Variants in AK7 observed in about 807,000 individuals in gnomAD.
AK7 encodes adenylate kinase 7.
A neutral mutation model predicts 96.6 loss-of-function variants in AK7; 78 were observed. The ratio of observed to expected loss-of-function variants is 0.81; its 90% confidence interval spans 0.67 to 0.97. The LOEUF is 0.97. Among genes scored for constraint, AK7 ranks in the 50% least tolerant of loss-of-function variants. The probability of loss-of-function intolerance (pLI) is 0.00; values close to 1 mark genes in which losing one functional copy is unlikely to be tolerated. For missense variants in AK7, 855 were observed against 887.9 expected (o/e 0.96, Z 0.47); for synonymous variants, 302 against 317.2 (o/e 0.95, Z 0.51).
chr14:96,463,591 G>A (rs1209757056), intron 12 of AK7, among the ~76,000 whole-genome samples: 13 of 151,318 alleles, frequency 8.6e-5, no homozygotes, highest in African/African-American at 2.9e-4. Context: ...GTGGTGGCGG[G>A]CGCCTGTAGT....
At chr14:96,468,453 G>A (rs945288033) in intron 12 of AK7, among the ~76,000 whole-genome samples, 5 of 151,814 alleles carry the variant, frequency 3.3e-5, no homozygotes, top group Admixed American at 2.0e-4. Flanking sequence ...ATGCCACCAC[G>A]CCCGGCTAAT....
chr14:96,463,394 T>A (rs1003486036), intron 12 of AK7, among the ~76,000 whole-genome samples: 13 of 144,506 alleles, frequency 9.0e-5, no homozygotes, highest in African/African-American at 3.0e-4. Flanking sequence ...TCTCTGAACC[T>A]GTTTCATCCT....
intron 2 of AK7, chr14:96,398,515 A>G (rs1890220595): frequency 7.8e-6 from 4 of 512,740 alleles, no homozygotes; most frequent in African/African-American, 1.9e-5. Flanking sequence ...TCAGACTCAT[A>G]CAGTTCTCCT....
chr14:96,415,918 T>C (rs1019378733), intron 4 of AK7, among the ~76,000 whole-genome samples: 12 of 152,208 alleles, frequency 7.9e-5, no homozygotes, highest in African/African-American at 2.6e-4. Flanking sequence ...AGTCTAGCTA[T>C]GTACTTGTTT....
intron 5 of AK7, among the ~76,000 whole-genome samples, chr14:96,425,240 C>G (rs1181910680): frequency 6.6e-6 from 1 of 152,186 alleles, no homozygotes; most frequent in Non-Finnish European, 1.5e-5. Flanking sequence ...GAGCTGCCCT[C>G]ACAGCCATCG....
chr14:96,478,975 C>A (rs1414043573), intron 15 of AK7, among the ~76,000 whole-genome samples: 3 of 151,208 alleles, frequency 2.0e-5, no homozygotes, highest in African/African-American at 7.3e-5. Context: ...GTGGTGCAAT[C>A]TTGGCTCACT....
At chr14:96,484,660 C>G (rs1895679555) in intron 16 of AK7, among the ~76,000 whole-genome samples, 1 of 152,190 alleles carries the variant, frequency 6.6e-6, no homozygotes, top group African/African-American at 2.4e-5. Flanking sequence ...ATTTCCTGGT[C>G]TCTGTAAAAT....
intron 14 of AK7, among the ~76,000 whole-genome samples, chr14:96,478,192 G>A (rs79832590): frequency 0.019 from 2,660 of 137,192 alleles, 43 homozygotes; most frequent in Non-Finnish European, 0.032. Context: ...GAGGGCGGGG[G>A]AAGGGAGGGA....
At chr14:96,481,170 C>T (rs1439353829) in intron 15 of AK7, among the ~76,000 whole-genome samples, 1 of 152,110 alleles carries the variant, frequency 6.6e-6, no homozygotes, top group African/African-American at 2.4e-5. Context: ...GGTCACAGTT[C>T]GGGCTGAGGT....
chr14:96,400,676 T>G (rs1279162565), intron 2 of AK7, among the ~76,000 whole-genome samples: 2 of 152,182 alleles, frequency 1.3e-5, no homozygotes, highest in African/African-American at 4.8e-5. Flanking sequence ...TTCCAGAAGG[T>G]CTCAGAGAAA....
intron 8 of AK7, among the ~76,000 whole-genome samples, 166 bp downstream of exon 8, chr14:96,446,773 T>C (rs977928490): frequency 6.6e-6 from 1 of 151,922 alleles, no homozygotes; most frequent in Non-Finnish European, 1.5e-5. Flanking sequence ...AAACCCCATC[T>C]CTACTAAAAT....
At chr14:96,416,468 G>C (rs1891355488) in intron 4 of AK7, among the ~76,000 whole-genome samples, 1 of 152,164 alleles carries the variant, frequency 6.6e-6, no homozygotes, top group African/African-American at 2.4e-5. Context: ...AAGGGCAGGG[G>C]AGATTACTCT....
intron 7 of AK7, among the ~76,000 whole-genome samples, chr14:96,445,733 A>G (rs1893197673): frequency 1.3e-5 from 2 of 152,224 alleles, no homozygotes; most frequent in Non-Finnish European, 1.5e-5. Context: ...TGAACTGCAC[A>G]TTTGGAAGCG....
intron 6 of AK7, among the ~76,000 whole-genome samples, chr14:96,438,139 A>G (rs565585767): frequency 2.0e-5 from 3 of 152,336 alleles, no homozygotes; most frequent in African/African-American, 4.8e-5. Flanking sequence ...CCTTTCATTC[A>G]TGAAACAGAT....
At chr14:96,395,085 G>A (rs1029598331) in intron 1 of AK7, among the ~76,000 whole-genome samples, 3 of 152,128 alleles carry the variant, frequency 2.0e-5, no homozygotes, top group South Asian at 2.1e-4. Flanking sequence ...GGCTGGACTC[G>A]AGCTCCTGGG....
At chr14:96,412,797 C>T (rs1248691962) in intron 4 of AK7, among the ~76,000 whole-genome samples, 1 of 152,028 alleles carries the variant, frequency 6.6e-6, no homozygotes, top group Non-Finnish European at 1.5e-5. Context: ...AAACTCCCGA[C>T]CTCAGGTGAT....
intron 8 of AK7, among the ~76,000 whole-genome samples, chr14:96,447,471 T>C (rs1481592193): frequency 6.6e-6 from 1 of 152,024 alleles, no homozygotes; most frequent in East Asian, 1.9e-4. Context: ...TGCACCACCG[T>C]ACCTGGCTAA....
At chr14:96,456,731 T>C in intron 11 of AK7, 1 of 331,168 alleles carries the variant, frequency 3.0e-6, no homozygotes. Context: ...ATGTGGCGCT[T>C]GCTGGCTTTG....
chr14:96,392,316 C>T, intron 1 of AK7, 57 bp downstream of exon 1: 1 of 1,488,406 alleles, frequency 6.7e-7, no homozygotes, highest in East Asian at 2.3e-5. Flanking sequence ...CAGCCCTCGG[C>T]CCCCGGTCCG....
Sources: allele counts gnomAD v4.1 joint callset (sites outside exome capture counted in the v4.1 genomes callset), GRCh38; gene constraint gnomAD v4.1.1; transcripts MANE v1.5; gene names NCBI Gene and HGNC (gene_info 2026-07-23, HGNC 2026-07-21).